AMELX: variants seen among roughly 807,000 people sequenced by gnomAD.
AMELX encodes the protein amelogenin, X isoform.
Under a neutral mutation model 15.8 loss-of-function variants are expected in AMELX, and 9 were observed. The ratio of observed to expected loss-of-function variants is 0.57; its 90% CI spans 0.34 to 0.99. AMELX has a LOEUF of 0.99. Ranked by LOEUF, AMELX falls within the 50% of genes least tolerant of loss-of-function variation. AMELX has a pLI of 0.02. For missense variants in AMELX, 107 were observed against 156.2 expected, an observed-to-expected ratio of 0.68 and a Z score of 1.68; for synonymous variants, 61 against 58.8, an observed-to-expected ratio of 1.04 and a Z score of -0.17.
downstream of AMELX, among the ~76,000 whole-genome samples, chrX:11,304,826 C>T (rs1166567342): frequency 1.9e-4 from 14 of 73,901 alleles, no homozygotes; most frequent in Non-Finnish European, 3.0e-4. Flanking sequence ...CTCGCTCTGT[C>T]GCCAGGCTGG....
At chrX:11,306,427 A>C in the AMELX span, among the ~76,000 whole-genome samples, 2 of 112,829 alleles carry the variant, frequency 1.8e-5, no homozygotes, top group African/African-American at 3.2e-5. Flanking sequence ...TTAGCATTAA[A>C]CACCCAGGAT....
downstream of AMELX, among the ~76,000 whole-genome samples, chrX:11,301,089 G>A (rs1232700848): frequency 4.5e-5 from 5 of 111,854 alleles, no homozygotes; most frequent in Admixed American, 3.8e-4. Flanking sequence ...TTTGAAGAAT[G>A]TTTATATTAT....
At chrX:11,294,982 T>G in intron 2 of AMELX, 140 bp downstream of exon 2, 2 of 693,785 alleles carry the variant, frequency 2.9e-6, no homozygotes, top group Non-Finnish European at 4.5e-6. Context: ...GAAGAAACAC[T>G]TCAGGAGCTT....
Position 11,298,698 on chromosome X carries a change from C to T in AMELX, c.295C>T (p.Pro99Ser). 2.5e-6 allele frequency: 3 copies of T among 1,211,082 alleles called. No homozygotes were observed. The highest frequency in any genetic ancestry group is 3.4e-6 in the Non-Finnish European group (3 of 895,392). ...TCAGCAGCCCGTGATCCCCCAGCAA[C>T]CAATGATGCCCGTTCCTGGCCAACA... Reference protein sequence around the residue: ...PAQQPVIPQQPMMPVPGQHSM... With the variant: ...PAQQPVIPQQSMMPVPGQHSM... The change falls in exon 5 of 6, where the codon CCA (proline) becomes TCA (serine). Residue 99 changes from proline (P) to serine (S), a missense_variant. Physicochemically the swap from Pro to Ser is moderately conservative, Grantham distance 74. Transcript: ENST00000380714.
At chrX:11,304,746 C>T (rs1374933213), downstream of AMELX, among the ~76,000 whole-genome samples, 4 of 101,859 alleles carry the variant, frequency 3.9e-5, no homozygotes, top group East Asian at 1.3e-3. Flanking sequence ...GCTAATTCCA[C>T]ATTATAAGGA....
chrX:11,302,155 C>T (rs1017368043), downstream of AMELX, among the ~76,000 whole-genome samples: 2 of 112,047 alleles, frequency 1.8e-5, no homozygotes, highest in East Asian at 2.8e-4. Flanking sequence ...TCAATTCCTC[C>T]GTCATAGTAG....
At position 11,300,628 on chromosome X, in the gene AMELX, G is replaced by A. The variant is rs1322207023; in HGVS notation, c.*16G>A. 2.5e-6 allele frequency: 3 copies of A among 1,193,426 alleles called. No individual in the cohort carries two copies. Among genetic ancestry groups the A allele is most frequent in the South Asian group, 1.8e-5 (1 of 55,825 alleles). On this transcript the variant is annotated 3_prime_UTR_variant, in exon 6 of 6. Coordinates refer to ENST00000380714, the MANE Select transcript of AMELX (RefSeq NM_001142.2). ...TCAGGATTAAAAGATCAGAAGATGA[G>A]AGGGGAATGAATACTTCAGATGCTT...
intron 3 of AMELX, 200 bp from the exon 4 acceptor site, chrX:11,298,036 A>C: frequency 9.8e-7 from 1 of 1,023,385 alleles, no homozygotes; most frequent in Non-Finnish European, 1.4e-6. Flanking sequence ...TGTGTGATGG[A>C]TGTAAACACA....
chrX:11,297,826 A>C (rs2048111523), intron 3 of AMELX, among the ~76,000 whole-genome samples: 1 of 112,373 alleles, frequency 8.9e-6, no homozygotes, highest in Admixed American at 9.4e-5. Flanking sequence ...AAATGAAATT[A>C]ACATCATGTC....
intron 5 of AMELX, among the ~76,000 whole-genome samples, chrX:11,299,310 C>T (rs772248315): frequency 2.7e-5 from 3 of 111,834 alleles, no homozygotes; most frequent in Non-Finnish European, 5.6e-5. Context: ...TATCAGTTCT[C>T]CTTATATTTC....
At chrX:11,306,885 T>C in the AMELX span, among the ~76,000 whole-genome samples, 1 of 111,772 alleles carries the variant, frequency 8.9e-6, no homozygotes, top group African/African-American at 3.3e-5. Context: ...TGTAGTTGCA[T>C]GAGGGAGTTG....
chrX:11,301,218 CATA>C (rs2048171643), downstream of AMELX, among the ~76,000 whole-genome samples: 1 of 111,756 alleles, frequency 8.9e-6, no homozygotes, highest in Non-Finnish European at 1.9e-5. Context: ...ATGTGATATG[CATA>C]ATAATGTACT....
intron 5 of AMELX, among the ~76,000 whole-genome samples, chrX:11,299,913 G>A (rs1226075646): frequency 1.8e-5 from 2 of 111,700 alleles, no homozygotes; most frequent in Non-Finnish European, 3.8e-5. Context: ...GGAAAATGAC[G>A]AAATCAGATT....
At chrX:11,304,497 C>T (rs2048212167), downstream of AMELX, among the ~76,000 whole-genome samples, 1 of 110,905 alleles carries the variant, frequency 9.0e-6, no homozygotes, top group Admixed American at 9.6e-5. Flanking sequence ...CTGATATCCC[C>T]AGACACTGTT....
chrX:11,303,458 C>A (rs759621010), downstream of AMELX, among the ~76,000 whole-genome samples: 1 of 111,578 alleles, frequency 9.0e-6, no homozygotes, highest in South Asian at 3.8e-4. Context: ...CATTTGGGTT[C>A]GAAACATTTA....
intron 5 of AMELX, 114 bp downstream of exon 5, chrX:11,299,087 A>G: frequency 1.1e-6 from 1 of 931,637 alleles, no homozygotes; most frequent in South Asian, 2.1e-5. Context: ...TAGTAGTTAC[A>G]GGTCTATGAT....
chrX:11,297,917 C>A (rs768159489), intron 3 of AMELX, among the ~76,000 whole-genome samples: 138 of 112,461 alleles, frequency 1.2e-3, no homozygotes, highest in African/African-American at 4.1e-3. Flanking sequence ...GATTTACTCC[C>A]TGTGTAACCT....
At chrX:11,304,777 C>CTTTTTTTTT (rs953912280), downstream of AMELX, among the ~76,000 whole-genome samples, 14 of 50,287 alleles carry the variant, frequency 2.8e-4, 1 homozygote, top group Non-Finnish European at 4.1e-4. Context: ...CTTTCTTTTA[C>CTTTTTTTTT]TTTTTTTTTT....
intron 4 of AMELX, 93 bp downstream of exon 4, chrX:11,298,370 A>G: frequency 9.0e-7 from 1 of 1,115,949 alleles, no homozygotes; most frequent in Non-Finnish European, 1.2e-6. Flanking sequence ...CTCCACATGC[A>G]GACATTAATG....
Sources: allele counts gnomAD v4.1 joint callset (sites outside exome capture counted in the v4.1 genomes callset), GRCh38; gene constraint gnomAD v4.1.1; transcripts MANE v1.5; gene names NCBI Gene and HGNC (gene_info 2026-07-23, HGNC 2026-07-21).